PAG1: variants seen among roughly 807,000 people sequenced by gnomAD.
PAG1 encodes phosphoprotein associated with glycosphingolipid-enriched microdomains 1.
A neutral mutation model predicts 31.7 loss-of-function variants in PAG1; 23 were observed. The observed-to-expected ratio is 0.73, with a 90% confidence interval of 0.52 to 1.03. The LOEUF (loss-of-function observed/expected upper bound fraction) is 1.03, where lower values mean the gene tolerates loss of function less well. Among genes scored for constraint, PAG1 ranks in the 50% least tolerant of loss-of-function variants. The pLI is 0.00. For missense variants in PAG1, 473 were observed against 540.7 expected (o/e 0.87, Z 1.24); for synonymous variants, 214 against 210.3 (o/e 1.02, Z -0.15).
chr8:81,095,954 T>A (rs1341349938), intron 1 of PAG1, among the ~76,000 whole-genome samples: 2 of 152,330 alleles, frequency 1.3e-5, no homozygotes, highest in East Asian at 3.9e-4. Context: ...ACGGACTCCA[T>A]TAAAGAAGGC....
chr8:81,037,708 A>C (rs992255292), intron 2 of PAG1, among the ~76,000 whole-genome samples: 3 of 152,238 alleles, frequency 2.0e-5, no homozygotes, highest in Non-Finnish European at 4.4e-5. Flanking sequence ...AGAATTTAAA[A>C]CATCTTCTTT....
At chr8:81,007,830 C>T (rs141360662) in intron 3 of PAG1, among the ~76,000 whole-genome samples, 4 of 151,998 alleles carry the variant, frequency 2.6e-5, no homozygotes, top group Middle Eastern at 3.2e-3. Context: ...ACTAAATAGC[C>T]GTGGCAGTGG....
Position 81,081,076 on chromosome 8 carries a change from C to G in PAG1, c.-233-10906G>C, listed in dbSNP as rs151178490. Among the ~76,000 whole-genome samples the G allele has an allele frequency of 9.9e-3, 1,502 of 152,258 alleles. 24 individuals are homozygous for G. The highest frequency in any genetic ancestry group is 0.011 in the Non-Finnish European group (735 of 68,004). On this transcript the variant is annotated intron_variant, in intron 1 of 8. Coordinates refer to ENST00000220597, the MANE Select transcript of PAG1 (RefSeq NM_018440.4). Reference sequence around the variant, plus strand: ...CATCAGGGCAAATCATTCCACCTCCCTGCGTCTCAGTGTTCTTCTTTACAA... The same window carrying G: ...CATCAGGGCAAATCATTCCACCTCCGTGCGTCTCAGTGTTCTTCTTTACAA...
chr8:81,024,560 T>C (rs1808243528), intron 3 of PAG1, among the ~76,000 whole-genome samples: 1 of 152,242 alleles, frequency 6.6e-6, no homozygotes, highest in African/African-American at 2.4e-5. Context: ...GTGTATCTAC[T>C]GAGGTTCCAA....
At chr8:81,057,839 C>T (rs1291214324) in intron 2 of PAG1, among the ~76,000 whole-genome samples, 1 of 152,066 alleles carries the variant, frequency 6.6e-6, no homozygotes, top group Non-Finnish European at 1.5e-5. Flanking sequence ...AACGTAAATC[C>T]CTTTTTCAAG....
rs1312375588 is a variant in PAG1 at position 80,972,488 on chromosome 8, G to C, written c.*4056C>G. 6.6e-6 allele frequency: 1 copy of C among 152,180 alleles called. No individual in the cohort carries two copies. Among genetic ancestry groups the C allele is most frequent in the South Asian group, 2.1e-4 (1 of 4,826 alleles). 9.4% of individuals were successfully genotyped at this position (152,180 alleles called of 1,614,324 possible). The stretch of plus-strand genomic sequence containing the variant: ...CCTATAAAGTCTCATAATTTTAAAA[G>C]GGAATGAAACAGAATGCCACAGGTG... On this transcript the variant is annotated 3_prime_UTR_variant, in exon 9 of 9. Transcript: ENST00000220597.
intron 3 of PAG1, among the ~76,000 whole-genome samples, chr8:80,998,191 G>C (rs1807720378): frequency 1.4e-5 from 2 of 143,250 alleles, no homozygotes; most frequent in Non-Finnish European, 3.0e-5. Flanking sequence ...GTGCAGTGGT[G>C]CTATCTCAGC....
intron 2 of PAG1, among the ~76,000 whole-genome samples, chr8:81,045,540 T>C (rs771948094): frequency 1.1e-4 from 16 of 152,010 alleles, no homozygotes; most frequent in Admixed American, 2.0e-4. Context: ...GATGGGGAAA[T>C]TGGAGGTGGG....
intron 2 of PAG1, among the ~76,000 whole-genome samples, chr8:81,045,744 C>T (rs1808631311): frequency 6.6e-6 from 1 of 152,190 alleles, no homozygotes; most frequent in Non-Finnish European, 1.5e-5. Flanking sequence ...TCATTCAACC[C>T]ATCCCAAACT....
chr8:80,985,469 G>C (rs1807399631), intron 6 of PAG1, 92 bp from the exon 7 acceptor site: 17 of 1,317,976 alleles, frequency 1.3e-5, no homozygotes, highest in Non-Finnish European at 1.6e-5. Flanking sequence ...GTTAAATCAA[G>C]ATGCGTGCTT....
intron 2 of PAG1, among the ~76,000 whole-genome samples, chr8:81,048,725 G>A (rs576063533): frequency 2.1e-4 from 32 of 152,214 alleles, no homozygotes; most frequent in African/African-American, 6.7e-4. Context: ...TTACATCAAC[G>A]ACGCTAGCAT....
At chr8:81,107,912 T>A (rs1446108028) in intron 1 of PAG1, among the ~76,000 whole-genome samples, 4 of 152,186 alleles carry the variant, frequency 2.6e-5, no homozygotes, top group Non-Finnish European at 5.9e-5. Context: ...AGCTCCCAAC[T>A]CCTCAAGCCC....
chr8:81,056,917 A>C (rs1239597935), intron 2 of PAG1, among the ~76,000 whole-genome samples: 5 of 152,236 alleles, frequency 3.3e-5, no homozygotes, highest in African/African-American at 1.2e-4. Flanking sequence ...AAGGATATGA[A>C]CAGACACTTC....
At chr8:81,039,883 T>C (rs2130828986) in intron 2 of PAG1, among the ~76,000 whole-genome samples, 1 of 152,322 alleles carries the variant, frequency 6.6e-6, no homozygotes, top group Middle Eastern at 3.4e-3. Flanking sequence ...CAGTGATAGC[T>C]TGAGAGATGA....
intron 1 of PAG1, among the ~76,000 whole-genome samples, chr8:81,103,229 A>C (rs1430280605): frequency 6.6e-6 from 1 of 151,904 alleles, no homozygotes; most frequent in East Asian, 1.9e-4. Context: ...CCTGTGGCCC[A>C]TCAAATATAG....
chr8:81,075,738 C>G (rs529482548), intron 1 of PAG1, among the ~76,000 whole-genome samples: 2 of 152,200 alleles, frequency 1.3e-5, no homozygotes, highest in East Asian at 3.8e-4. Context: ...CAGCTCCTCA[C>G]GCACACACAC....
chr8:81,033,025 T>C (rs1159291111), intron 2 of PAG1, among the ~76,000 whole-genome samples: 1 of 152,170 alleles, frequency 6.6e-6, no homozygotes, highest in Non-Finnish European at 1.5e-5. Flanking sequence ...TACATAGAGA[T>C]AGAAAGTAGA....
At chr8:81,101,156 G>A (rs1037369458) in intron 1 of PAG1, among the ~76,000 whole-genome samples, 4 of 152,178 alleles carry the variant, frequency 2.6e-5, no homozygotes, top group Admixed American at 6.5e-5. Flanking sequence ...AATGACCACA[G>A]TATTTAGCAA....
intron 1 of PAG1, among the ~76,000 whole-genome samples, chr8:81,087,078 C>T (rs556660791): frequency 6.6e-6 from 1 of 152,172 alleles, no homozygotes; most frequent in African/African-American, 2.4e-5. Context: ...GGCGTGGTGG[C>T]TCATGCCGGT....
Sources: allele counts gnomAD v4.1 joint callset (sites outside exome capture counted in the v4.1 genomes callset), GRCh38; gene constraint gnomAD v4.1.1; transcripts MANE v1.5; gene names NCBI Gene and HGNC (gene_info 2026-07-23, HGNC 2026-07-21).